The following INPP4B variants were observed in gnomAD, a reference collection of about 807,000 sequenced individuals.
INPP4B encodes the protein inositol polyphosphate 4-phosphatase type II.
INPP4B carries 55 observed loss-of-function variants against 122.5 expected under a neutral mutation model. That is an observed-to-expected ratio of 0.45 (90% CI 0.36 to 0.56). The LOEUF (loss-of-function observed/expected upper bound fraction) is 0.56, where lower values mean the gene tolerates loss of function less well. INPP4B is among the 20% of genes least tolerant of loss of function. INPP4B has a pLI of 0.00. For synonymous variants in INPP4B, 403 were observed against 388.7 expected (o/e 1.04, Z -0.43); for missense variants, 1,000 against 1,097.7 (o/e 0.91, Z 1.26).
At chr4:142,424,538 C>T (rs186062136) in intron 5 of INPP4B, among the ~76,000 whole-genome samples, 2 of 152,094 alleles carry the variant, frequency 1.3e-5, no homozygotes, top group South Asian at 4.1e-4. Flanking sequence ...CACACAGACA[C>T]GGATAGTTAA....
chr4:142,420,596 A>T (rs917564384), intron 5 of INPP4B, among the ~76,000 whole-genome samples: 4 of 152,120 alleles, frequency 2.6e-5, no homozygotes, highest in African/African-American at 9.7e-5. Context: ...TAGGCCTTAG[A>T]TAACCTTTTA....
At chr4:142,212,687 G>A (rs1001615650) in intron 12 of INPP4B, among the ~76,000 whole-genome samples, 1 of 152,064 alleles carries the variant, frequency 6.6e-6, no homozygotes, top group Non-Finnish European at 1.5e-5. Flanking sequence ...TTCTAATTGT[G>A]TCCCCTGACA....
At chr4:142,487,268 G>C (rs905642987) in intron 2 of INPP4B, among the ~76,000 whole-genome samples, 9 of 152,042 alleles carry the variant, frequency 5.9e-5, no homozygotes, top group Non-Finnish European at 1.3e-4. Flanking sequence ...TCTTTCTTTT[G>C]TAAATTGCCC....
rs5862604 is a variant in INPP4B, at chr4:142,483,182, C to CTT, written c.-190-20458_-190-20457dup. On this transcript the variant is annotated intron_variant, in intron 2 of 25. Transcript: ENST00000262992. ...TAATAATGACTGGAGTCAGGCTATGCTTTTTTTTTTTTTTTTTTTTTTTTT... is the reference window on the plus strand; with the variant it reads ...TAATAATGACTGGAGTCAGGCTATGCTTTTTTTTTTTTTTTTTTTTTTTTTTT... 2.7e-3 allele frequency among the ~76,000 whole-genome samples: 131 copies of CTT among 48,330 alleles called. 24 individuals are homozygous for CTT. The highest frequency in any genetic ancestry group is 0.024 in the Middle Eastern group (1 of 42). The allele number at this position is 48,330 out of a possible 152,430, so 31.7% of individuals were successfully genotyped here.
At chr4:142,653,244 A>G (rs1753401545) in intron 2 of INPP4B, among the ~76,000 whole-genome samples, 1 of 152,188 alleles carries the variant, frequency 6.6e-6, no homozygotes. Flanking sequence ...AAAGACTTAA[A>G]TGTTACACCT....
chr4:142,815,728 G>A (rs1301910220), intron 1 of INPP4B, among the ~76,000 whole-genome samples: 1 of 151,970 alleles, frequency 6.6e-6, no homozygotes, highest in African/African-American at 2.4e-5. Flanking sequence ...ATAAGTATTT[G>A]CCTCATTCTC....
At chr4:142,054,931 A>G (rs1756784833) in intron 25 of INPP4B, among the ~76,000 whole-genome samples, 1 of 152,068 alleles carries the variant, frequency 6.6e-6, no homozygotes, top group Non-Finnish European at 1.5e-5. Context: ...TGGCTGCTTT[A>G]AAATCAGTCA....
chr4:142,323,541 T>G (rs1203551338), intron 7 of INPP4B, among the ~76,000 whole-genome samples: 1 of 149,194 alleles, frequency 6.7e-6, no homozygotes, highest in Non-Finnish European at 1.5e-5. Flanking sequence ...TGCCTCTCGG[T>G]TTCACACCAT....
chr4:142,830,959 C>G (rs1782057532), intron 1 of INPP4B, among the ~76,000 whole-genome samples: 1 of 151,138 alleles, frequency 6.6e-6, no homozygotes, highest in Non-Finnish European at 1.5e-5. Flanking sequence ...GAAGCAGAGG[C>G]TACAGCGAGC....
chr4:142,378,119 C>T (rs1561966072), intron 7 of INPP4B, among the ~76,000 whole-genome samples: 1 of 152,108 alleles, frequency 6.6e-6, no homozygotes, highest in Non-Finnish European at 1.5e-5. Flanking sequence ...TTCCAGTAGT[C>T]GACAGAGCAG....
At chr4:142,096,957 G>A (rs1177702879) in intron 23 of INPP4B, among the ~76,000 whole-genome samples, 2 of 152,042 alleles carry the variant, frequency 1.3e-5, no homozygotes, top group Non-Finnish European at 2.9e-5. Context: ...GTCCCTCATA[G>A]CAAATGATGG....
At chr4:142,591,324 C>G (rs1006078123) in intron 2 of INPP4B, among the ~76,000 whole-genome samples, 1 of 151,740 alleles carries the variant, frequency 6.6e-6, no homozygotes, top group Non-Finnish European at 1.5e-5. Flanking sequence ...TAGGTTTATT[C>G]AAAAGAAGAA....
chr4:142,253,686 C>T (rs1733818862), intron 11 of INPP4B, among the ~76,000 whole-genome samples: 1 of 152,258 alleles, frequency 6.6e-6, no homozygotes, highest in South Asian at 2.1e-4. Flanking sequence ...ATATCCCGCA[C>T]CTGGCTCGGA....
intron 1 of INPP4B, among the ~76,000 whole-genome samples, chr4:142,737,009 T>A (rs1424436939): frequency 6.6e-6 from 1 of 152,114 alleles, no homozygotes; most frequent in African/African-American, 2.4e-5. Flanking sequence ...GTAGGAAGAA[T>A]CAATATCATG....
At chr4:142,681,509 G>T (rs188806590) in intron 2 of INPP4B, among the ~76,000 whole-genome samples, 88 of 151,854 alleles carry the variant, frequency 5.8e-4, no homozygotes, top group Non-Finnish European at 9.3e-4. Flanking sequence ...ATCAAATAAC[G>T]AATTTAAAAG....
rs1282320322 is a variant in INPP4B at position 142,627,710 on chromosome 4, TTC to T, written c.-191+98127_-191+98128del. Among the ~76,000 whole-genome samples, 15 of 152,056 alleles carry T rather than the reference TTC, an allele frequency of 9.9e-5. No homozygotes were observed. The East Asian group carries it at 2.7e-3, about 28-fold the overall frequency. ...GTTCATCAAGGATATTGGTCTAAAA[TTC>T]TCTTTTTTGGTTGTGTCTCTGCCCA... On this transcript the variant is annotated intron_variant, in intron 2 of 25. Coordinates refer to ENST00000262992, the MANE Select transcript of INPP4B (RefSeq NM_001101669.3).
intron 25 of INPP4B, among the ~76,000 whole-genome samples, chr4:142,044,548 T>C (rs977188871): frequency 6.6e-6 from 1 of 151,910 alleles, no homozygotes; most frequent in African/African-American, 2.4e-5. Context: ...AGCTGATGAA[T>C]GAAGAAATGG....
chr4:142,656,877 G>A (rs1414675740), intron 2 of INPP4B, among the ~76,000 whole-genome samples: 1 of 152,138 alleles, frequency 6.6e-6, no homozygotes, highest in Non-Finnish European at 1.5e-5. Flanking sequence ...AGTTTTGGTT[G>A]TGGAAAAGGA....
In INPP4B at chr4:142,028,040, G is replaced by T. The variant is rs1488856713; in HGVS notation, c.*742C>A. 9.3e-6 allele frequency: 2 copies of T among 215,816 alleles called. No homozygotes were observed. The highest frequency in any genetic ancestry group is 4.5e-5 in the African/African-American group (2 of 44,388). The allele number at this position is 215,816 out of a possible 1,614,324, so 13.4% of individuals were successfully genotyped here. Reference sequence around the variant, plus strand: ...CATTTTTATTTTATTTGTAATTTTAGATCATTGCAGTGTTTTGCTTATCAT... The same window carrying T: ...CATTTTTATTTTATTTGTAATTTTATATCATTGCAGTGTTTTGCTTATCAT... On this transcript the variant is annotated 3_prime_UTR_variant, in exon 26 of 26. Transcript: ENST00000262992.
Sources: gnomAD v4.1 joint callset for allele counts (sites outside exome capture counted in the v4.1 genomes callset) on GRCh38, gnomAD v4.1.1 for gene constraint, MANE v1.5 for transcripts, NCBI Gene and HGNC (gene_info 2026-07-23, HGNC 2026-07-21) for gene names.